The following SGCZ variants were observed in gnomAD, a reference collection of about 807,000 sequenced individuals.
The protein encoded by SGCZ is sarcoglycan zeta.
SGCZ carries 40 observed loss-of-function variants against 41.3 expected under a neutral mutation model. The observed-to-expected ratio is 0.97, with a 90% CI of 0.75 to 1.26. The LOEUF is 1.26. SGCZ is among the 50% of genes most tolerant of loss of function. The pLI, the probability that SGCZ is intolerant of heterozygous loss-of-function variation, is 0.00. For synonymous variants in SGCZ, 206 were observed against 137.5 expected (o/e 1.50, Z -3.49); for missense variants, 552 against 369.8 (o/e 1.49, Z -4.04).
At chr8:14,574,971 G>A (rs375668873) in intron 1 of SGCZ, among the ~76,000 whole-genome samples, 5 of 152,000 alleles carry the variant, frequency 3.3e-5, no homozygotes, top group South Asian at 2.1e-4. Flanking sequence ...TAAAAATAAC[G>A]GTTTTCATTA....
chr8:14,726,311 C>CATACATATATATATAT (rs1428195927), intron 1 of SGCZ, among the ~76,000 whole-genome samples: 42 of 107,642 alleles, frequency 3.9e-4, no homozygotes, highest in Non-Finnish European at 7.0e-4. Flanking sequence ...TGTGTAAATA[C>CATACATATATATATAT]ATATATATAT....
At chr8:14,926,301 A>C (rs1799748180) in intron 1 of SGCZ, among the ~76,000 whole-genome samples, 1 of 152,208 alleles carries the variant, frequency 6.6e-6, no homozygotes, top group Non-Finnish European at 1.5e-5. Flanking sequence ...TATTGTCATC[A>C]TGTTTCATTT....
At chr8:14,231,261 G>A (rs1018319088) in intron 4 of SGCZ, among the ~76,000 whole-genome samples, 3 of 151,562 alleles carry the variant, frequency 2.0e-5, no homozygotes, top group African/African-American at 7.3e-5. Flanking sequence ...CACAGAGAGA[G>A]AGAGAGACAG....
chr8:14,425,895 G>T (rs535601445), intron 2 of SGCZ, among the ~76,000 whole-genome samples: 1 of 152,190 alleles, frequency 6.6e-6, no homozygotes, highest in African/African-American at 2.4e-5. Context: ...ATTTATTAAA[G>T]AAGGTTCAGG....
intron 3 of SGCZ, among the ~76,000 whole-genome samples, chr8:14,267,235 T>G (rs1799903713): frequency 6.6e-6 from 1 of 152,040 alleles, no homozygotes; most frequent in Admixed American, 6.6e-5. Flanking sequence ...ATCCATCAAG[T>G]GACAGTTTTA....
chr8:14,304,677 G>A (rs185170419), intron 3 of SGCZ, among the ~76,000 whole-genome samples: 8 of 152,242 alleles, frequency 5.3e-5, no homozygotes, highest in Non-Finnish European at 1.0e-4. Flanking sequence ...CCATAGCTAT[G>A]GTAATGCATT....
rs545258530 is a variant in SGCZ at position 15,220,273 on chromosome 8, A to G, written c.39+17312T>C. ...TCTCTTTGGACAAACTGACGTTTAT[A>G]TACATCAGTTCCTTACTCCAAACTT... On this transcript the variant is annotated intron_variant, in intron 1 of 7. Coordinates refer to ENST00000382080, the MANE Select transcript of SGCZ (RefSeq NM_139167.4). Among the ~76,000 whole-genome samples, 3 of 152,334 alleles carry G rather than the reference A, an allele frequency of 2.0e-5. No individual in the cohort carries two copies. The East Asian group carries it at 5.8e-4, about 29-fold the overall frequency.
chr8:14,872,066 G>C (rs1804176092), intron 1 of SGCZ, among the ~76,000 whole-genome samples: 1 of 151,762 alleles, frequency 6.6e-6, no homozygotes, highest in African/African-American at 2.4e-5. Context: ...ACTAACACAG[G>C]AACAGAAAAC....
intron 1 of SGCZ, among the ~76,000 whole-genome samples, chr8:14,601,388 T>A (rs1051855356): frequency 6.6e-5 from 10 of 152,176 alleles, no homozygotes; most frequent in African/African-American, 2.2e-4. Flanking sequence ...GGTGAAAGGG[T>A]AGGTTTAAAT....
At chr8:14,363,164 T>C (rs1803587382) in intron 2 of SGCZ, among the ~76,000 whole-genome samples, 1 of 152,052 alleles carries the variant, frequency 6.6e-6, no homozygotes, top group Admixed American at 6.6e-5. Context: ...CTAAAGACAT[T>C]CTGAAAAAAG....
chr8:15,045,644 G>A (rs1378034), intron 1 of SGCZ, among the ~76,000 whole-genome samples: 131,537 of 152,096 alleles, frequency 0.86, 57,440 homozygotes, highest in East Asian at 1. Context: ...TTCTTCTCTT[G>A]CAAATATAGA....
At chr8:14,464,410 T>G (rs558353320) in intron 2 of SGCZ, among the ~76,000 whole-genome samples, 4 of 151,614 alleles carry the variant, frequency 2.6e-5, no homozygotes, top group African/African-American at 9.6e-5. Context: ...TGTAGGACTC[T>G]TATAATCCTT....
At chr8:14,157,689 A>G (rs1405521816) in intron 5 of SGCZ, among the ~76,000 whole-genome samples, 2 of 152,118 alleles carry the variant, frequency 1.3e-5, no homozygotes, top group Admixed American at 6.6e-5. Context: ...ATAAAATAGT[A>G]CTTCTTACTA....
chr8:15,164,969 G>C (rs1444795300), intron 1 of SGCZ, among the ~76,000 whole-genome samples: 1 of 152,106 alleles, frequency 6.6e-6, no homozygotes, highest in Non-Finnish European at 1.5e-5. Context: ...TCTTCTGCCT[G>C]TGTGTGTACT....
At chr8:14,282,413 A>G (rs1022850314) in intron 3 of SGCZ, among the ~76,000 whole-genome samples, 3 of 152,172 alleles carry the variant, frequency 2.0e-5, no homozygotes, top group Admixed American at 2.0e-4. Flanking sequence ...CATTTATGGC[A>G]GTAACTATCT....
intron 2 of SGCZ, among the ~76,000 whole-genome samples, chr8:14,465,823 T>C (rs572586324): frequency 1.7e-4 from 26 of 152,018 alleles, no homozygotes; most frequent in South Asian, 4.1e-4. Context: ...CACAGAATTA[T>C]ATCTCTATAC....
rs887884030 is a variant in SGCZ at position 14,671,798 on chromosome 8, T to G, written c.40-116872A>C. Among the ~76,000 whole-genome samples the G allele has an allele frequency of 3.3e-5, 5 of 152,302 alleles. No individual in the cohort carries two copies. The South Asian group carries it at 6.2e-4, about 19-fold the overall frequency. On this transcript the variant is annotated intron_variant, in intron 1 of 7. Transcript: ENST00000382080. ...CAAACAAAACAATTTTTTCCAAAGATATATTTTAATTCCGTATTGAATATA... is the reference window on the plus strand; with the variant it reads ...CAAACAAAACAATTTTTTCCAAAGAGATATTTTAATTCCGTATTGAATATA...
intron 1 of SGCZ, among the ~76,000 whole-genome samples, chr8:14,784,913 A>AAAAAATATAT (rs1408574493): frequency 3.5e-4 from 31 of 88,016 alleles, no homozygotes; most frequent in African/African-American, 1.2e-3. Context: ...AAAAAAAAAA[A>AAAAAATATAT]ATATATATAT....
chr8:14,863,900 T>C (rs778307669), intron 1 of SGCZ, among the ~76,000 whole-genome samples: 4 of 152,088 alleles, frequency 2.6e-5, no homozygotes, highest in African/African-American at 4.8e-5. Context: ...TAGATGAAAA[T>C]TTAATGTGTC....
Sources: gnomAD v4.1 joint callset for allele counts (sites outside exome capture counted in the v4.1 genomes callset) on GRCh38, gnomAD v4.1.1 for gene constraint, MANE v1.5 for transcripts, NCBI Gene and HGNC (gene_info 2026-07-23, HGNC 2026-07-21) for gene names.